The following MICAL2 variants were observed in gnomAD, a reference collection of about 807,000 sequenced individuals.
MICAL2 encodes [F-actin]-monooxygenase MICAL2.
MICAL2 carries 77 observed loss-of-function variants against 127.3 expected under a neutral mutation model. The observed-to-expected ratio is 0.60, with a 90% CI of 0.50 to 0.73. MICAL2 has a LOEUF of 0.73. Ranked by LOEUF, MICAL2 falls within the 30% of genes least tolerant of loss-of-function variation. The probability of loss-of-function intolerance (pLI) is 0.00; values close to 1 mark genes in which losing one functional copy is unlikely to be tolerated. For missense variants in MICAL2, 1,351 were observed against 1,434.4 expected (o/e 0.94, Z 0.94); for synonymous variants, 570 against 551.1 (o/e 1.03, Z -0.48).
At chr11:12,341,769 G>T (rs1438114446) in intron 32 of MICAL2, among the ~76,000 whole-genome samples, 1 of 152,120 alleles carries the variant, frequency 6.6e-6, no homozygotes, top group African/African-American at 2.4e-5. Context: ...GGAGTTTGTG[G>T]TGGGCCAAAA....
At chr11:12,328,925 G>T (rs990198192) in intron 32 of MICAL2, among the ~76,000 whole-genome samples, 4 of 150,120 alleles carry the variant, frequency 2.7e-5, no homozygotes, top group Admixed American at 6.7e-5. Context: ...ATCCAAGTAA[G>T]GGGTCCTGAG....
intron 32 of MICAL2, among the ~76,000 whole-genome samples, chr11:12,338,670 C>T (rs1323828467): frequency 6.6e-6 from 1 of 152,172 alleles, no homozygotes; most frequent in Admixed American, 6.5e-5. Context: ...AATCTCTCAA[C>T]ATTTGCTTGT....
chr11:12,122,562 C>T (rs1850594070), intron 1 of MICAL2, among the ~76,000 whole-genome samples: 1 of 152,164 alleles, frequency 6.6e-6, no homozygotes, highest in Non-Finnish European at 1.5e-5. Flanking sequence ...GCATGTGTCA[C>T]CACGCCTGGC....
intron 1 of MICAL2, among the ~76,000 whole-genome samples, chr11:12,112,050 G>A (rs1366956165): frequency 6.6e-6 from 1 of 152,234 alleles, no homozygotes; most frequent in Non-Finnish European, 1.5e-5. Context: ...AAAACGCTGA[G>A]AGTTTTGCCC....
chr11:12,233,556 G>A (rs1488235179), intron 15 of MICAL2, among the ~76,000 whole-genome samples: 1 of 152,162 alleles, frequency 6.6e-6, no homozygotes, highest in Non-Finnish European at 1.5e-5. Context: ...ATCTTGTGCT[G>A]ATCAAATAAA....
intron 2 of MICAL2, among the ~76,000 whole-genome samples, chr11:12,158,878 T>C (rs1014707241): frequency 1.3e-5 from 2 of 152,248 alleles, no homozygotes; most frequent in African/African-American, 4.8e-5. Flanking sequence ...ACATTCAGGT[T>C]ACCCTGACTC....
intron 32 of MICAL2, among the ~76,000 whole-genome samples, chr11:12,330,557 C>T (rs1005354676): frequency 1.3e-5 from 2 of 151,970 alleles, no homozygotes; most frequent in Non-Finnish European, 2.9e-5. Context: ...GAGGAACATG[C>T]GGGGGTGCGG....
chr11:12,307,101 C>A (rs1002306925), intron 29 of MICAL2, among the ~76,000 whole-genome samples: 3 of 152,174 alleles, frequency 2.0e-5, no homozygotes, highest in African/African-American at 7.2e-5. Context: ...TACATCCATG[C>A]TAACACTTGA....
chr11:12,234,011 C>A (rs1858676075), intron 15 of MICAL2, among the ~76,000 whole-genome samples: 1 of 152,190 alleles, frequency 6.6e-6, no homozygotes, highest in Admixed American at 6.5e-5. Flanking sequence ...GTGTTGCTAA[C>A]CTTTCCATAG....
Position 12,345,099 on chromosome 11 carries a change from G to A in MICAL2, c.5516-4739G>A, listed in dbSNP as rs57404739. ...TGCACTCCAGCCTGGGCGACAGAGC[G>A]AGACGAGAATCCATCTCAAAAAAAA... On this transcript the variant is annotated intron_variant, in intron 32 of 34. Coordinates refer to the MICAL2 transcript ENST00000646065. 6.3e-4 allele frequency among the ~76,000 whole-genome samples: 93 copies of A among 146,678 alleles called. 2 individuals are homozygous for A. In the South Asian group the frequency reaches 0.014, roughly 22 times the overall value.
At chr11:12,125,505 C>G (rs983816035) in intron 1 of MICAL2, among the ~76,000 whole-genome samples, 1 of 152,168 alleles carries the variant, frequency 6.6e-6, no homozygotes, top group Non-Finnish European at 1.5e-5. Context: ...CTGCCCGCCT[C>G]GGCCTCTCAA....
At chr11:12,174,832 C>A (rs1856660774) in intron 3 of MICAL2, among the ~76,000 whole-genome samples, 1 of 152,176 alleles carries the variant, frequency 6.6e-6, no homozygotes, top group Non-Finnish European at 1.5e-5. Flanking sequence ...TTCAAAAAAT[C>A]ATTTTCAGCC....
intron 15 of MICAL2, among the ~76,000 whole-genome samples, chr11:12,228,155 C>A (rs1374753888): frequency 6.6e-6 from 1 of 152,120 alleles, no homozygotes; most frequent in Non-Finnish European, 1.5e-5. Flanking sequence ...ATGATGAAAC[C>A]CCGTATCTAC....
chr11:12,320,031 A>G (rs1864275593), intron 30 of MICAL2, among the ~76,000 whole-genome samples: 3 of 149,356 alleles, frequency 2.0e-5, no homozygotes, highest in Admixed American at 6.7e-5. Flanking sequence ...AATTTGGGAG[A>G]AAAAAAAAAG....
intron 20 of MICAL2, 100 bp downstream of exon 20, chr11:12,242,872 C>T: frequency 1.3e-6 from 1 of 792,342 alleles, no homozygotes; most frequent in Non-Finnish European, 2.0e-6. Context: ...CTCCTTCCTC[C>T]TTTTAGAGCA....
At chr11:12,276,511 C>G (rs2403608) in intron 1 of MICAL2, 70,070 of 174,780 alleles carry the variant, frequency 0.4, 15,058 homozygotes, top group East Asian at 0.77. Flanking sequence ...GTCACCTGTC[C>G]CGAGGGCCGC....
chr11:12,335,427 T>G (rs1288611539), intron 32 of MICAL2, among the ~76,000 whole-genome samples: 2 of 152,168 alleles, frequency 1.3e-5, no homozygotes, highest in Non-Finnish European at 2.9e-5. Flanking sequence ...GTTGGTAGTT[T>G]CTTTTGCTGT....
At position 12,256,966 on chromosome 11, in the gene MICAL2, A is replaced by G; in HGVS notation, c.3137A>G (p.Asp1046Gly). Residue 1046 changes from aspartate (D) to glycine (G), a missense_variant, in exon 24 of 28, where the codon GAT (aspartate) becomes GGT (glycine). Transcript: ENST00000683283. ...LRLAAYTFDC[D>G]EGKFYCKPHF... ...CTGGCCGCCTACACCTTTGACTGCG[A>G]TGAAGGTAACCCCAGGGGCCAGGGC... 6.2e-7 allele frequency: 1 copy of G among 1,612,552 alleles called. No individual in the cohort carries two copies.
chr11:12,223,134 A>G (rs1324084766), intron 11 of MICAL2, among the ~76,000 whole-genome samples: 1 of 152,216 alleles, frequency 6.6e-6, no homozygotes, highest in Non-Finnish European at 1.5e-5. Flanking sequence ...TCTTTGGTCA[A>G]TAGAACAGAA....
Sources: gnomAD v4.1 joint callset for allele counts (sites outside exome capture counted in the v4.1 genomes callset) on GRCh38, gnomAD v4.1.1 for gene constraint, MANE v1.5 for transcripts, NCBI Gene and HGNC (gene_info 2026-07-23, HGNC 2026-07-21) for gene names.